Variants in JAKMIP3 observed in about 807,000 individuals in gnomAD.
JAKMIP3 encodes Janus kinase and microtubule interacting protein 3.
In JAKMIP3, 58 loss-of-function variants were observed where a neutral mutation model predicts 118.5. The observed-to-expected ratio is 0.49, with a 90% CI of 0.40 to 0.61. The LOEUF is 0.61. Ranked by LOEUF, JAKMIP3 falls within the 20% of genes least tolerant of loss-of-function variation. The pLI is 0.00. For missense variants in JAKMIP3, 950 were observed against 1,109.0 expected, an observed-to-expected ratio of 0.86 and a Z score of 2.04; for synonymous variants, 486 against 451.2, an observed-to-expected ratio of 1.08 and a Z score of -0.98.
chr10:132,171,440 C>T (rs2059468886), intron 23 of JAKMIP3, among the ~76,000 whole-genome samples: 1 of 152,214 alleles, frequency 6.6e-6, no homozygotes, highest in African/African-American at 2.4e-5. Flanking sequence ...GGAATTGCGA[C>T]AATGTCCGTC....
At chr10:132,132,924 T>C (rs1242479434) in intron 3 of JAKMIP3, among the ~76,000 whole-genome samples, 1 of 152,200 alleles carries the variant, frequency 6.6e-6, no homozygotes, top group Non-Finnish European at 1.5e-5. Flanking sequence ...GTAACTTGGG[T>C]GTCCTCCTCT....
chr10:132,159,745 GGGGGGCCTCTTCCTGTGTGATACT>G (rs2057756634), intron 19 of JAKMIP3, among the ~76,000 whole-genome samples: 1 of 77,076 alleles, frequency 1.3e-5, no homozygotes, highest in Admixed American at 1.4e-4. Context: ...TGTGATACTG[GGGGGGCCTCTTCCTGTGTGATACT>G]GGGGGGTCTC....
At chr10:132,056,197 C>T (rs1462988669) in intron 1 of JAKMIP3, among the ~76,000 whole-genome samples, 1 of 152,184 alleles carries the variant, frequency 6.6e-6, no homozygotes, top group East Asian at 1.9e-4. Flanking sequence ...GTCACCCCCA[C>T]ACTCAGTTTC....
chr10:132,077,402 T>A (rs2134118818), intron 1 of JAKMIP3, among the ~76,000 whole-genome samples: 1 of 152,232 alleles, frequency 6.6e-6, no homozygotes, highest in East Asian at 1.9e-4. Context: ...TGGTCCCAGC[T>A]CTTCTGAAGG....
intron 1 of JAKMIP3, among the ~76,000 whole-genome samples, chr10:132,089,630 A>G: frequency 6.6e-6 from 1 of 152,154 alleles, no homozygotes; most frequent in Non-Finnish European, 1.5e-5. Context: ...GGGTTTTCTA[A>G]ATATACAACG....
chr10:132,071,452 C>G lies in JAKMIP3; in HGVS notation c.-138+5391C>G, dbSNP rs78971342. On this transcript the variant is annotated intron_variant, in intron 1 of 23. Coordinates refer to ENST00000684848, the MANE Select transcript of JAKMIP3 (RefSeq NM_001323087.2). ...TGGTTAATGGTGGTGTTGAAATCTT[C>G]TGTGTCCTTACAAATTTTCTCTTGC... Among the ~76,000 whole-genome samples, 1,249 of 152,312 alleles carry G rather than the reference C, an allele frequency of 8.2e-3. 15 individuals carry two copies. Among genetic ancestry groups the G allele is most frequent in the African/African-American group, 0.029 (1,190 of 41,564 alleles).
At chr10:132,086,491 A>C (rs1479770863) in intron 1 of JAKMIP3, among the ~76,000 whole-genome samples, 1 of 151,842 alleles carries the variant, frequency 6.6e-6, no homozygotes, top group Non-Finnish European at 1.5e-5. Flanking sequence ...GTTGCTGTCT[A>C]TTTCTTTTTT....
intron 1 of JAKMIP3, among the ~76,000 whole-genome samples, chr10:132,067,824 C>CTGGACTGTGGGCTTCTGTG (rs1395437467): frequency 1.8e-4 from 25 of 138,478 alleles, no homozygotes; most frequent in Admixed American, 8.8e-4. Context: ...TCCGTGTGGA[C>CTGGACTGTGGGCTTCTGTG]TGGACTGTGG....
chr10:132,106,072 C>T (rs902099928), intron 2 of JAKMIP3, among the ~76,000 whole-genome samples: 1 of 152,148 alleles, frequency 6.6e-6, no homozygotes, highest in Non-Finnish European at 1.5e-5. Flanking sequence ...TGTATTAGAA[C>T]ATGAGTCATC....
At chr10:132,155,760 T>A (rs144597118) in intron 19 of JAKMIP3, among the ~76,000 whole-genome samples, 47 of 152,314 alleles carry the variant, frequency 3.1e-4, no homozygotes, top group African/African-American at 1.0e-3. Flanking sequence ...ACCAGCAGTG[T>A]GCACATGACT....
chr10:132,091,029 G>C (rs1448024350), intron 1 of JAKMIP3, among the ~76,000 whole-genome samples: 2 of 152,268 alleles, frequency 1.3e-5, no homozygotes, highest in East Asian at 3.9e-4. Context: ...CCTTGATTTT[G>C]TTATGTACCC....
chr10:132,148,844 C>T (rs1387530665), intron 14 of JAKMIP3, among the ~76,000 whole-genome samples: 1 of 152,202 alleles, frequency 6.6e-6, no homozygotes, highest in Admixed American at 6.5e-5. Context: ...CTGCCGAGCA[C>T]CACACACAGC....
At chr10:132,170,769 C>T (rs964523808) in intron 23 of JAKMIP3, among the ~76,000 whole-genome samples, 3 of 152,172 alleles carry the variant, frequency 2.0e-5, no homozygotes, top group South Asian at 2.1e-4. Context: ...GGTGGGTGGG[C>T]GCCGCTCCGC....
chr10:132,098,004 C>CTTTCCCTTCCCTTTCCT lies in JAKMIP3; in HGVS notation c.-137-6667_-137-6666insTTCCCTTCCCTTTCCTT, dbSNP rs1199956471. 4.1e-5 allele frequency among the ~76,000 whole-genome samples: 2 copies of CTTTCCCTTCCCTTTCCT among 49,192 alleles called. 1 individual carries two copies. Among genetic ancestry groups the CTTTCCCTTCCCTTTCCT allele is most frequent in the Non-Finnish European group, 8.6e-5 (2 of 23,292 alleles). The allele number at this position is 49,192 out of a possible 152,430, so 32.3% of individuals were successfully genotyped here. The stretch of plus-strand genomic sequence containing the variant: ...CCTTCCCCTTCCCCTTCCCCTTCCC[C>CTTTCCCTTCCCTTTCCT]TCCTTCCTTTTTTTTTTCTTTCTTC... On this transcript the variant is annotated intron_variant, in intron 1 of 23. Transcript: ENST00000684848.
At chr10:132,169,695 G>A (rs1249063905) in intron 23 of JAKMIP3, among the ~76,000 whole-genome samples, 2 of 152,338 alleles carry the variant, frequency 1.3e-5, no homozygotes, top group East Asian at 1.9e-4. Context: ...CCGTGTCTGA[G>A]AGCCACCTGT....
At chr10:132,122,524 C>T (rs892471315) in intron 3 of JAKMIP3, among the ~76,000 whole-genome samples, 12 of 152,202 alleles carry the variant, frequency 7.9e-5, no homozygotes, top group African/African-American at 2.4e-4. Flanking sequence ...GAAGCCCAGC[C>T]GGGCAGGGCC....
intron 1 of JAKMIP3, among the ~76,000 whole-genome samples, chr10:132,057,276 G>A (rs918556697): frequency 2.0e-5 from 3 of 152,180 alleles, no homozygotes; most frequent in Admixed American, 1.3e-4. Context: ...CCCCAGGAGG[G>A]AAGAGGCGTG....
At chr10:132,060,891 G>A (rs957448053), upstream of JAKMIP3, among the ~76,000 whole-genome samples, 2 of 152,076 alleles carry the variant, frequency 1.3e-5, no homozygotes, top group African/African-American at 4.8e-5. Flanking sequence ...ATGGTGGTGG[G>A]TGCCTGTAAT....
intron 2 of JAKMIP3, among the ~76,000 whole-genome samples, chr10:132,108,897 T>C (rs1264280172): frequency 5.4e-5 from 8 of 148,974 alleles, no homozygotes; most frequent in Admixed American, 1.4e-4. Context: ...ATATATAAAT[T>C]ATATACGCAA....
Sources: allele counts gnomAD v4.1 joint callset (sites outside exome capture counted in the v4.1 genomes callset), GRCh38; gene constraint gnomAD v4.1.1; transcripts MANE v1.5; gene names NCBI Gene and HGNC (gene_info 2026-07-23, HGNC 2026-07-21).